Variants in CYSTM1 observed in about 807,000 individuals in gnomAD.
CYSTM1 encodes cysteine-rich transmembrane module-containing protein 1.
A neutral mutation model predicts 13.1 loss-of-function variants in CYSTM1; 4 were observed. The observed-to-expected ratio is 0.31, with a 90% confidence interval of 0.15 to 0.70. CYSTM1 has a LOEUF of 0.70. Ranked by LOEUF, CYSTM1 falls within the 30% of genes least tolerant of loss-of-function variation. CYSTM1 has a pLI of 0.72. For missense variants in CYSTM1, 96 were observed against 121.6 expected (o/e 0.79, Z 0.99); for synonymous variants, 36 against 42.7 (o/e 0.84, Z 0.62).
In CYSTM1 at chr5:140,222,966, T is replaced by C. The variant is rs374156487; in HGVS notation, c.188-20339T>C. Among the ~76,000 whole-genome samples, 27 of 152,378 alleles carry C rather than the reference T, an allele frequency of 1.8e-4. No homozygotes were observed. In the South Asian group the frequency reaches 5.6e-3, roughly 32 times the overall value. ...TCTTACCCCCAAAACTCTGTTCTTC[T>C]GGACACTGTACATATCCTGGCCTGT... is the stretch of plus-strand genomic sequence containing the variant. On this transcript the variant is annotated intron_variant, in intron 2 of 2. Transcript: ENST00000261811.
intron 1 of CYSTM1, among the ~76,000 whole-genome samples, chr5:140,187,701 G>A (rs2126654784): frequency 6.6e-6 from 1 of 152,214 alleles, no homozygotes; most frequent in Non-Finnish European, 1.5e-5. Flanking sequence ...AATTTTATAA[G>A]TTACCAAGAA....
chr5:140,184,387 G>GTT (rs397739910), intron 1 of CYSTM1, among the ~76,000 whole-genome samples: 1,541 of 146,292 alleles, frequency 0.011, 5 homozygotes, highest in Non-Finnish European at 0.014. Flanking sequence ...ATAAAGTTGG[G>GTT]TTTTTTTTTT....
chr5:140,243,515 C>A lies in CYSTM1; in HGVS notation c.*104C>A. On this transcript the variant is annotated 3_prime_UTR_variant, in exon 3 of 3. Transcript: ENST00000261811. ...TGCTGTTAACAAATGACTAGCTTTG[C>A]ACAGACACCTCTACCTTCAGCACTA... 1.2e-6 allele frequency: 1 copy of A among 843,538 alleles called. No individual in the cohort carries two copies. The highest frequency in any genetic ancestry group is 1.9e-6 in the Non-Finnish European group (1 of 534,902). 52.3% of individuals were successfully genotyped at this position (843,538 alleles called of 1,614,324 possible).
chr5:140,193,680 A>G (rs7727069), intron 1 of CYSTM1, among the ~76,000 whole-genome samples: 29,530 of 152,200 alleles, frequency 0.19, 3,054 homozygotes, highest in East Asian at 0.24. Flanking sequence ...CCCAATCAAG[A>G]GAATGATTAA....
intron 2 of CYSTM1, among the ~76,000 whole-genome samples, chr5:140,237,642 C>A (rs925493194): frequency 1.4e-4 from 22 of 152,234 alleles, no homozygotes; most frequent in Non-Finnish European, 1.6e-4. Flanking sequence ...AAGGATGAGA[C>A]CACAGGCAGT....
At chr5:140,207,382 G>A (rs1046805701) in intron 2 of CYSTM1, among the ~76,000 whole-genome samples, 3 of 152,156 alleles carry the variant, frequency 2.0e-5, no homozygotes, top group African/African-American at 7.2e-5. Context: ...CCTCAGCTTG[G>A]AGGGAAACTA....
chr5:140,175,609 C>T lies in CYSTM1; in HGVS notation c.-21+324C>T, dbSNP rs1763872209. Among the ~76,000 whole-genome samples the T allele has an allele frequency of 6.6e-6, 1 of 152,224 alleles. No individual in the cohort carries two copies. Among genetic ancestry groups the T allele is most frequent in the Non-Finnish European group, 1.5e-5 (1 of 68,036 alleles). ...AGGAGTCGGCGGGCTCGGAGCGGGGCTCGCCACACCCCGTCCCGGGGGACG... is the reference window on the plus strand; with the variant it reads ...AGGAGTCGGCGGGCTCGGAGCGGGGTTCGCCACACCCCGTCCCGGGGGACG... On this transcript the variant is annotated intron_variant, in intron 1 of 2. Transcript: ENST00000261811. The surrounding 1 kb of genome is among the most constrained non-coding windows in gnomAD (Gnocchi z 4.9).
At chr5:140,197,593 G>A (rs1764173081) in intron 2 of CYSTM1, among the ~76,000 whole-genome samples, 1 of 152,156 alleles carries the variant, frequency 6.6e-6, no homozygotes, top group Non-Finnish European at 1.5e-5. Flanking sequence ...ACCCTTTAGG[G>A]ACCCATTTTA....
At chr5:140,185,275 GT>G (rs1313645339) in intron 1 of CYSTM1, among the ~76,000 whole-genome samples, 2 of 152,228 alleles carry the variant, frequency 1.3e-5, no homozygotes, top group East Asian at 3.8e-4. Flanking sequence ...TCAGCGAAAG[GT>G]CCCATATCTG....
chr5:140,188,480 CT>C, intron 1 of CYSTM1, among the ~76,000 whole-genome samples: 1 of 152,292 alleles, frequency 6.6e-6, no homozygotes, highest in Non-Finnish European at 1.5e-5. Flanking sequence ...TGTATAGGTT[CT>C]CTTGAAATTT....
At chr5:140,209,457 T>C (rs1244186633) in intron 2 of CYSTM1, among the ~76,000 whole-genome samples, 4 of 143,608 alleles carry the variant, frequency 2.8e-5, no homozygotes, top group Non-Finnish European at 6.1e-5. Context: ...TGAGATGGAG[T>C]CTTGCTCTGT....
At chr5:140,184,882 T>C (rs981536684) in intron 1 of CYSTM1, among the ~76,000 whole-genome samples, 1 of 152,228 alleles carries the variant, frequency 6.6e-6, no homozygotes, top group Non-Finnish European at 1.5e-5. Flanking sequence ...GGAGACAAGA[T>C]TGACTGTAGT....
chr5:140,193,511 A>G (rs1764116713), intron 1 of CYSTM1, among the ~76,000 whole-genome samples: 2 of 152,090 alleles, frequency 1.3e-5, no homozygotes, highest in Admixed American at 6.5e-5. Flanking sequence ...CTCAATCTCA[A>G]CGTGATCCGC....
intron 2 of CYSTM1, among the ~76,000 whole-genome samples, chr5:140,210,260 T>C (rs1404302650): frequency 6.6e-6 from 1 of 152,178 alleles, no homozygotes; most frequent in Non-Finnish European, 1.5e-5. Flanking sequence ...GCAACTTTTC[T>C]ATAGGTTAAA....
At chr5:140,194,885 C>T (rs1325547426) in intron 2 of CYSTM1, among the ~76,000 whole-genome samples, 22 of 152,188 alleles carry the variant, frequency 1.4e-4, no homozygotes, top group Admixed American at 1.2e-3. Context: ...TCCTGGCCAA[C>T]GTGTTTTCTG....
intron 1 of CYSTM1, among the ~76,000 whole-genome samples, chr5:140,178,035 A>G (rs1763912907): frequency 6.6e-6 from 1 of 152,178 alleles, no homozygotes; most frequent in South Asian, 2.1e-4. Flanking sequence ...AGAACTTAAG[A>G]CTTTACTGTC....
intron 2 of CYSTM1, chr5:140,200,360 C>A (rs1242009938): frequency 2.0e-5 from 3 of 152,052 alleles, no homozygotes; most frequent in Non-Finnish European, 2.9e-5. Flanking sequence ...TTTCCCAATA[C>A]CATTTATTAA....
At chr5:140,196,703 TG>T (rs985189729) in intron 2 of CYSTM1, among the ~76,000 whole-genome samples, 3 of 152,260 alleles carry the variant, frequency 2.0e-5, no homozygotes, top group Non-Finnish European at 4.4e-5. Context: ...CCTCAGCTTC[TG>T]GGTTTTCTGC....
intron 2 of CYSTM1, among the ~76,000 whole-genome samples, chr5:140,211,183 T>C (rs1242792884): frequency 6.6e-6 from 1 of 152,214 alleles, no homozygotes; most frequent in Non-Finnish European, 1.5e-5. Context: ...CTTTTGTATA[T>C]TAGCTCATCT....
Sources: gnomAD v4.1 joint callset for allele counts (sites outside exome capture counted in the v4.1 genomes callset) on GRCh38, gnomAD v4.1.1 for gene constraint, Gnocchi (gnomAD v3.1) non-coding constraint, MANE v1.5 for transcripts, NCBI Gene and HGNC (gene_info 2026-07-23, HGNC 2026-07-21) for gene names.